The following RBMS3 variants were observed in gnomAD, a reference collection of about 807,000 sequenced individuals.
RBMS3 encodes RNA-binding motif, single-stranded-interacting protein 3.
Under a neutral mutation model 66.8 loss-of-function variants are expected in RBMS3, and 27 were observed. That is an observed-to-expected ratio of 0.40 (90% CI 0.30 to 0.56). RBMS3 has a LOEUF of 0.56. Among genes scored for constraint, RBMS3 ranks in the 20% least tolerant of loss-of-function variants. The pLI, the probability that RBMS3 is intolerant of heterozygous loss-of-function variation, is 0.40. For missense variants in RBMS3, 513 were observed against 549.5 expected (o/e 0.93, Z 0.66); for synonymous variants, 188 against 183.0 (o/e 1.03, Z -0.22).
At chr3:29,892,802 AGTATGTATGTAT>A (rs370739212) in intron 8 of RBMS3, among the ~76,000 whole-genome samples, 7 of 140,300 alleles carry the variant, frequency 5.0e-5, no homozygotes, top group East Asian at 2.1e-4. Context: ...CTCTGCTTGA[AGTATGTATGTAT>A]GTATGTATGT....
intron 4 of RBMS3, among the ~76,000 whole-genome samples, chr3:29,728,265 T>A (rs2053972187): frequency 1.3e-5 from 2 of 151,946 alleles, no homozygotes; most frequent in African/African-American, 4.8e-5. Flanking sequence ...ATGCGAGGCT[T>A]AAAACCTAGA....
chr3:29,288,864 G>T (rs952343245), intron 1 of RBMS3, among the ~76,000 whole-genome samples: 3 of 151,922 alleles, frequency 2.0e-5, no homozygotes, highest in Non-Finnish European at 4.4e-5. Flanking sequence ...AGTATTGTAG[G>T]AGGGAAATAA....
Position 29,748,676 on chromosome 3 carries a change from G to A in RBMS3, c.557+8799G>A, listed in dbSNP as rs541173512. 9.9e-5 allele frequency among the ~76,000 whole-genome samples: 15 copies of A among 152,242 alleles called. No homozygotes were observed. The South Asian group carries it at 3.1e-3, about 32-fold the overall frequency. Reference sequence around the variant, plus strand: ...CATGATCAAAAGTCTCCAACTCATGGCTCTCTGGGTTGGATAAATTTTGCA... The same window carrying A: ...CATGATCAAAAGTCTCCAACTCATGACTCTCTGGGTTGGATAAATTTTGCA... On this transcript the variant is annotated intron_variant, in intron 5 of 14. Coordinates refer to ENST00000383767, the MANE Select transcript of RBMS3 (RefSeq NM_001003793.3).
At chr3:29,600,934 T>C (rs934682561) in intron 4 of RBMS3, among the ~76,000 whole-genome samples, 38 of 152,028 alleles carry the variant, frequency 2.5e-4, no homozygotes, top group Non-Finnish European at 7.4e-5. Flanking sequence ...ATAAAAAAGA[T>C]AATAAATGTG....
chr3:29,306,608 T>A (rs554286732), intron 1 of RBMS3, among the ~76,000 whole-genome samples: 1 of 151,932 alleles, frequency 6.6e-6, no homozygotes, highest in East Asian at 1.9e-4. Context: ...CTCAGATTTT[T>A]CCTCCCTTCC....
intron 12 of RBMS3, among the ~76,000 whole-genome samples, chr3:29,966,407 C>T (rs1696851863): frequency 6.6e-6 from 1 of 152,058 alleles, no homozygotes; most frequent in African/African-American, 2.4e-5. Context: ...TGTAGTTTTG[C>T]TTGTAGAGGT....
intron 3 of RBMS3, among the ~76,000 whole-genome samples, chr3:29,511,598 G>C (rs1224262783): frequency 6.6e-6 from 1 of 152,080 alleles, no homozygotes; most frequent in East Asian, 1.9e-4. Flanking sequence ...TCTGCTGTTG[G>C]AAATAAAGGG....
At chr3:29,411,351 T>C (rs2040258554) in intron 1 of RBMS3, among the ~76,000 whole-genome samples, 1 of 152,192 alleles carries the variant, frequency 6.6e-6, no homozygotes, top group South Asian at 2.1e-4. Context: ...AAGATAGATA[T>C]TTCCTCTTTT....
intron 4 of RBMS3, among the ~76,000 whole-genome samples, chr3:29,640,637 G>C (rs935892052): frequency 1.3e-5 from 2 of 151,874 alleles, no homozygotes; most frequent in Non-Finnish European, 1.5e-5. Context: ...GTTCAAAGTG[G>C]AGGAAAACAT....
At chr3:29,363,897 A>G (rs1174883207) in intron 1 of RBMS3, among the ~76,000 whole-genome samples, 7 of 152,148 alleles carry the variant, frequency 4.6e-5, no homozygotes, top group Non-Finnish European at 1.0e-4. Flanking sequence ...ATAGGATAGA[A>G]ATTTAAAACA....
chr3:29,602,337 C>T (rs1247118623), intron 4 of RBMS3, among the ~76,000 whole-genome samples: 1 of 151,988 alleles, frequency 6.6e-6, no homozygotes, highest in Non-Finnish European at 1.5e-5. Context: ...AGGCTCTCAC[C>T]TCAGCATTTG....
Position 29,588,071 on chromosome 3 carries a change from G to T in RBMS3, c.399+866G>T, listed in dbSNP as rs184992755. Among the ~76,000 whole-genome samples, 107 of 151,992 alleles carry T rather than the reference G, an allele frequency of 7.0e-4. 2 individuals are homozygous for T. The highest frequency in any genetic ancestry group is 2.3e-3 in the East Asian group (12 of 5,158). ...AAAATTTGTAGAAACCTCATGAAGG[G>T]TACATAGGCTCTCTCTGTACTATCT... is the stretch of plus-strand genomic sequence containing the variant. On this transcript the variant is annotated intron_variant, in intron 4 of 14. Coordinates refer to ENST00000383767, the MANE Select transcript of RBMS3 (RefSeq NM_001003793.3).
At chr3:29,554,815 TAG>T (rs1210303794) in intron 3 of RBMS3, among the ~76,000 whole-genome samples, 1 of 152,114 alleles carries the variant, frequency 6.6e-6, no homozygotes, top group Non-Finnish European at 1.5e-5. Flanking sequence ...AAGAATAATT[TAG>T]AGTCATATAT....
chr3:29,591,409 T>C (rs1203459295), intron 4 of RBMS3, among the ~76,000 whole-genome samples: 1 of 152,088 alleles, frequency 6.6e-6, no homozygotes, highest in African/African-American at 2.4e-5. Flanking sequence ...TAAAGGAAAA[T>C]GACTATTTAG....
In RBMS3 at chr3:29,674,545, C is replaced by T. The variant is rs559047466; in HGVS notation, c.400-65175C>T. 1.1e-4 allele frequency among the ~76,000 whole-genome samples: 17 copies of T among 152,142 alleles called. No homozygotes were observed. In the South Asian group the frequency reaches 1.9e-3, roughly 17 times the overall value. On this transcript the variant is annotated intron_variant, in intron 4 of 14. Coordinates refer to ENST00000383767, the MANE Select transcript of RBMS3 (RefSeq NM_001003793.3). ...AAAATCTCCTTAAACTGATAAGCAA[C>T]GTCAGCAGAGTCTCAGGATACAAAA...
chr3:30,001,255 C>T (rs1699596665), intron 14 of RBMS3, among the ~76,000 whole-genome samples: 1 of 151,938 alleles, frequency 6.6e-6, no homozygotes, highest in African/African-American at 2.4e-5. Context: ...TCACAGAATC[C>T]CACTTTTTAC....
intron 4 of RBMS3, among the ~76,000 whole-genome samples, chr3:29,709,880 C>A (rs918927773): frequency 1.3e-5 from 2 of 151,978 alleles, no homozygotes; most frequent in Non-Finnish European, 2.9e-5. Context: ...GCACAAAAGT[C>A]TTTTTGATAT....
At chr3:29,484,725 A>G (rs2043258864) in intron 2 of RBMS3, among the ~76,000 whole-genome samples, 1 of 152,180 alleles carries the variant, frequency 6.6e-6, no homozygotes, top group Non-Finnish European at 1.5e-5. Context: ...TAGCCCTACA[A>G]CATTCCAACT....
intron 7 of RBMS3, among the ~76,000 whole-genome samples, chr3:29,872,057 C>T: frequency 6.6e-6 from 1 of 152,074 alleles, no homozygotes; most frequent in East Asian, 1.9e-4. Context: ...TTTCAAGAGA[C>T]AATTGGAACT....
Sources: gnomAD v4.1 joint callset for allele counts (sites outside exome capture counted in the v4.1 genomes callset) on GRCh38, gnomAD v4.1.1 for gene constraint, MANE v1.5 for transcripts, NCBI Gene and HGNC (gene_info 2026-07-23, HGNC 2026-07-21) for gene names.